Variants in CCDC66 observed in about 807,000 individuals in gnomAD.
The protein encoded by CCDC66 is coiled-coil domain containing 66.
In CCDC66, 133 loss-of-function variants were observed where a neutral mutation model predicts 128.3. The ratio of observed to expected loss-of-function variants is 1.04; its 90% CI spans 0.90 to 1.20. The LOEUF (loss-of-function observed/expected upper bound fraction) is 1.20. CCDC66 is among the 50% of genes most tolerant of loss of function. CCDC66 has a pLI of 0.00. For synonymous variants in CCDC66, 387 were observed against 357.0 expected (o/e 1.08, Z -0.95); for missense variants, 1,126 against 1,075.5 (o/e 1.05, Z -0.66).
At chr3:56,560,956 A>G in intron 3 of CCDC66, 1 of 456,012 alleles carries the variant, frequency 2.2e-6, no homozygotes, top group South Asian at 1.6e-5. Context: ...CTTTACTTGC[A>G]GGTTTAATTA....
At chr3:56,588,962 A>G (rs1476059197) in intron 7 of CCDC66, among the ~76,000 whole-genome samples, 1 of 152,222 alleles carries the variant, frequency 6.6e-6, no homozygotes, top group Non-Finnish European at 1.5e-5. Context: ...AAGAGGTTAG[A>G]GAAAGAACAG....
At chr3:56,583,884 G>T (rs1286359554) in intron 7 of CCDC66, among the ~76,000 whole-genome samples, 2 of 147,450 alleles carry the variant, frequency 1.4e-5, no homozygotes, top group African/African-American at 2.5e-5. Flanking sequence ...CCGGGCAGAG[G>T]CGCCCCCCAC....
chr3:56,616,151 A>G (rs2075476065), intron 13 of CCDC66, 98 bp downstream of exon 13: 3 of 1,066,892 alleles, frequency 2.8e-6, no homozygotes, highest in Non-Finnish European at 4.1e-6. Context: ...AAAATTAACA[A>G]AACTTGAGGT....
intron 7 of CCDC66, among the ~76,000 whole-genome samples, chr3:56,590,861 CAGTT>C (rs1164921935): frequency 3.3e-5 from 5 of 152,130 alleles, no homozygotes; most frequent in Admixed American, 2.0e-4. Flanking sequence ...GTGAAAAAGT[CAGTT>C]AGCCTGGGAA....
At chr3:56,589,006 A>G (rs548508327) in intron 7 of CCDC66, among the ~76,000 whole-genome samples, 1 of 152,356 alleles carries the variant, frequency 6.6e-6, no homozygotes, top group African/African-American at 2.4e-5. Flanking sequence ...CAAAGTGGAT[A>G]TTAGTAAAAC....
intron 10 of CCDC66, among the ~76,000 whole-genome samples, chr3:56,594,592 A>AGAAT (rs1238679767): frequency 6.6e-6 from 1 of 151,888 alleles, no homozygotes; most frequent in Non-Finnish European, 1.5e-5. Flanking sequence ...CTGAGGTGGG[A>AGAAT]GAATGGCATG....
chr3:56,615,991 G>A lies in CCDC66; in HGVS notation c.1781G>A (p.Ser594Asn). Reference sequence around the variant, plus strand: ...TCAAGACATGATTCTGATGAAATCAGTGGTAAAATGAATACATATATGAAT... The same window carrying A: ...TCAAGACATGATTCTGATGAAATCAATGGTAAAATGAATACATATATGAAT... ...SNSRHDSDEI[S>N]GKMNTYMNST... Residue 594 changes from serine (S) to asparagine (N), a missense_variant, in exon 13 of 18, where the codon AGT becomes AAT. Ser to Asn is a conservative substitution (Grantham distance 46). Transcript: ENST00000394672. 5.6e-6 allele frequency: 9 copies of A among 1,595,068 alleles called. No homozygotes were observed. The highest frequency in any genetic ancestry group is 7.7e-6 in the Non-Finnish European group (9 of 1,170,642).
rs776311984 is a variant in CCDC66, at chr3:56,618,163, A to G, written c.2338-9A>G. On this transcript the variant is annotated splice_polypyrimidine_tract_variant and intron_variant, in intron 14 of 17. Coordinates refer to ENST00000394672, the MANE Select transcript of CCDC66 (RefSeq NM_001141947.3). The stretch of plus-strand genomic sequence containing the variant: ...TATTCCTTTCTGCATTTATCTATCC[A>G]TATTTTAGGAAGAAGAGCCTCTGAA... 14 of 1,606,432 alleles carry G rather than the reference A, an allele frequency of 8.7e-6. No homozygotes were observed. In the African/African-American group the frequency reaches 1.3e-4, roughly 15 times the overall value.
chr3:56,609,953 G>T (rs2074571189), intron 10 of CCDC66, among the ~76,000 whole-genome samples: 1 of 152,186 alleles, frequency 6.6e-6, no homozygotes, highest in Non-Finnish European at 1.5e-5. Flanking sequence ...CTGTTAATCT[G>T]ATAGGTTTTC....
chr3:56,571,450 C>G (rs1277274620), intron 7 of CCDC66, 148 bp downstream of exon 7: 7 of 496,410 alleles, frequency 1.4e-5, no homozygotes, highest in Non-Finnish European at 2.1e-5. Flanking sequence ...GGCACAGTCT[C>G]AGCTCACTGC....
chr3:56,616,272 T>TA, intron 13 of CCDC66: 1 of 412,636 alleles, frequency 2.4e-6, no homozygotes, highest in Non-Finnish European at 4.3e-6. Context: ...GTGCAACCAT[T>TA]ACCACAATCA....
In CCDC66 at chr3:56,598,094, T is replaced by TA. The variant is rs370887004; in HGVS notation, c.1404+4067dup. ...CCAGTGGAGTCTAGGGTTTTTAAGA[T>TA]ATAAGATGATAACATCAGCAAAGGG... On this transcript the variant is annotated intron_variant, in intron 10 of 17. Transcript: ENST00000394672. Among the ~76,000 whole-genome samples, 4 of 151,904 alleles carry TA rather than the reference T, an allele frequency of 2.6e-5. 1 individual carries two copies. Among genetic ancestry groups the TA allele is most frequent in the African/African-American group, 9.7e-5 (4 of 41,330 alleles).
At chr3:56,579,085 A>G (rs1353982529) in intron 7 of CCDC66, among the ~76,000 whole-genome samples, 1 of 151,834 alleles carries the variant, frequency 6.6e-6, no homozygotes, top group Non-Finnish European at 1.5e-5. Flanking sequence ...CCTCAATTTC[A>G]GAACCTGTTA....
At chr3:56,617,016 T>A in intron 13 of CCDC66, 96 bp from the exon 14 acceptor site, 1 of 1,006,174 alleles carries the variant, frequency 9.9e-7, no homozygotes, top group South Asian at 1.9e-5. Context: ...GAAAAAAGTC[T>A]TAGAGGGCAA....
At chr3:56,615,605 A>G (rs1024690472) in intron 12 of CCDC66, among the ~76,000 whole-genome samples, 11 of 152,152 alleles carry the variant, frequency 7.2e-5, no homozygotes, top group African/African-American at 1.2e-4. Flanking sequence ...CAGACTTTAA[A>G]CTAGTATAAT....
chr3:56,584,691 G>A (rs886892408), intron 7 of CCDC66, among the ~76,000 whole-genome samples: 9 of 151,896 alleles, frequency 5.9e-5, no homozygotes, highest in African/African-American at 2.2e-4. Flanking sequence ...AGGCAGGGTG[G>A]CGGCCGGGCA....
At chr3:56,566,107 C>CGTTTTGTTTTGT (rs2065813752) in intron 4 of CCDC66, among the ~76,000 whole-genome samples, 1 of 148,822 alleles carries the variant, frequency 6.7e-6, no homozygotes, top group Non-Finnish European at 1.5e-5. Context: ...CTTCAGTTTC[C>CGTTTTGTTTTGT]TTTGTTTTGT....
At chr3:56,617,057 T>C in intron 13 of CCDC66, 55 bp from the exon 14 acceptor site, 1 of 1,317,386 alleles carries the variant, frequency 7.6e-7, no homozygotes, top group South Asian at 1.6e-5. Flanking sequence ...GAAAATTATT[T>C]AATATTGAAA....
At chr3:56,585,785 A>G (rs35677810) in intron 7 of CCDC66, among the ~76,000 whole-genome samples, 4,870 of 151,952 alleles carry the variant, frequency 0.032, 131 homozygotes, top group Middle Eastern at 0.079. Flanking sequence ...ACATACTCAG[A>G]CCTGAATAAT....
Sources: allele counts gnomAD v4.1 joint callset (sites outside exome capture counted in the v4.1 genomes callset), GRCh38; gene constraint gnomAD v4.1.1; transcripts MANE v1.5; gene names NCBI Gene and HGNC (gene_info 2026-07-23, HGNC 2026-07-21).